SYCP2: variants seen among roughly 807,000 people sequenced by gnomAD.
The protein encoded by SYCP2 is synaptonemal complex protein 2.
In SYCP2, 55 loss-of-function variants were observed where a neutral mutation model predicts 211.3. The ratio of observed to expected loss-of-function variants is 0.26; its 90% confidence interval spans 0.21 to 0.33. The LOEUF (loss-of-function observed/expected upper bound fraction) is 0.33, where lower values mean the gene tolerates loss of function less well. Ranked by LOEUF, SYCP2 falls within the 10% of genes least tolerant of loss-of-function variation. The pLI is 1.00. For missense variants in SYCP2, 1,731 were observed against 1,752.0 expected (o/e 0.99, Z 0.21); for synonymous variants, 570 against 555.2 (o/e 1.03, Z -0.37).
intron 22 of SYCP2, 125 bp from the exon 23 acceptor site, chr20:59,892,826 T>TCA: frequency 1.2e-6 from 1 of 840,966 alleles, no homozygotes; most frequent in Non-Finnish European, 1.7e-6. Context: ...TGGAAATTTA[T>TCA]CTTATCTTAC....
At chr20:59,932,617 T>A (rs549327100) in intron 1 of SYCP2, among the ~76,000 whole-genome samples, 16 of 151,914 alleles carry the variant, frequency 1.1e-4, no homozygotes, top group African/African-American at 3.6e-4. Context: ...GAGGTTGCAG[T>A]GACGCGAGAT....
chr20:59,884,919 A>G (rs1255776884), intron 26 of SYCP2, among the ~76,000 whole-genome samples: 1 of 152,094 alleles, frequency 6.6e-6, no homozygotes, highest in African/African-American at 2.4e-5. Flanking sequence ...AAAACACTCT[A>G]TTGTACAGAT....
At chr20:59,896,634 T>C (rs1213619078) in intron 18 of SYCP2, 106 bp from the exon 19 acceptor site, 2 of 591,606 alleles carry the variant, frequency 3.4e-6, no homozygotes, top group Admixed American at 3.0e-5. Flanking sequence ...CAAAGATATA[T>C]GTTTTTTAAA....
intron 14 of SYCP2, 53 bp downstream of exon 14, chr20:59,911,697 A>C (rs183190169): frequency 1.5e-4 from 116 of 776,242 alleles, no homozygotes; most frequent in African/African-American, 9.2e-4. Flanking sequence ...AAGTAAGTAA[A>C]AATCTTATAT....
intron 1 of SYCP2, among the ~76,000 whole-genome samples, chr20:59,932,978 G>C (rs2060795691): frequency 6.6e-6 from 1 of 151,928 alleles, no homozygotes; most frequent in African/African-American, 2.4e-5. Flanking sequence ...CGAAGTCCCT[G>C]CTCCCACCGC....
chr20:59,917,790 G>T lies in SYCP2; in HGVS notation c.428-1219C>A, dbSNP rs115594409. ...ATTGCTTGGCACAAGCAGGCCACAA[G>T]TCAAAGAATGAGTAGGAACATATTC... is the stretch of plus-strand genomic sequence containing the variant. On this transcript the variant is annotated intron_variant, in intron 7 of 44. Coordinates refer to ENST00000357552, the MANE Select transcript of SYCP2 (RefSeq NM_014258.4). 4.1e-3 allele frequency among the ~76,000 whole-genome samples: 623 copies of T among 152,264 alleles called. 4 individuals carry two copies. The highest frequency in any genetic ancestry group is 0.015 in the African/African-American group (604 of 41,564).
intron 2 of SYCP2, among the ~76,000 whole-genome samples, chr20:59,929,049 G>A (rs1251930873): frequency 6.6e-6 from 1 of 151,832 alleles, no homozygotes; most frequent in African/African-American, 2.4e-5. Context: ...TTATTATGAA[G>A]AACTTAACAA....
chr20:59,864,532 G>T, intron 44 of SYCP2, 144 bp from the exon 45 acceptor site: 2 of 592,366 alleles, frequency 3.4e-6, no homozygotes, highest in Non-Finnish European at 6.0e-6. Flanking sequence ...CATTCTAACA[G>T]GTCTACAGAT....
intron 2 of SYCP2, among the ~76,000 whole-genome samples, chr20:59,926,110 T>G (rs1000362118): frequency 1.1e-4 from 17 of 152,084 alleles, no homozygotes; most frequent in Admixed American, 6.6e-5. Flanking sequence ...AGGAGGAACC[T>G]TCTCCTGTAA....
rs563115123 is a variant in SYCP2 at position 59,865,831 on chromosome 20, G to A, written c.4355C>T (p.Ala1452Val). ...FWEKIFQKFS[A>V]YQKSEQQRLH... Reference sequence around the variant, plus strand: ...CCTCTGTTGTTCGCTTTTTTGATATGCACTGAACTTCTGAAATATCTTTTC... The same window carrying A: ...CCTCTGTTGTTCGCTTTTTTGATATACACTGAACTTCTGAAATATCTTTTC... Residue 1452 changes from alanine (A) to valine (V), a missense_variant, in exon 42 of 45, where the codon GCA (alanine) becomes GTA (valine). Transcript: ENST00000357552. The A allele has an allele frequency of 5.6e-6, 8 of 1,439,972 alleles. No individual in the cohort carries two copies. In the African/African-American group the frequency reaches 1.0e-4, roughly 18 times the overall value. 89.2% of individuals were successfully genotyped at this position (1,439,972 alleles called of 1,614,324 possible). A position where few individuals can be genotyped will look rare whatever the true frequency, so the allele number is the denominator to read the frequency against.
intron 16 of SYCP2, 30 bp from the exon 17 acceptor site, chr20:59,900,848 A>G: frequency 7.3e-7 from 1 of 1,361,304 alleles, no homozygotes; most frequent in South Asian, 1.2e-5. Flanking sequence ...CAGTGATGAC[A>G]TTTTCTTCAT....
chr20:59,906,066 G>A (rs1489181637), intron 15 of SYCP2, among the ~76,000 whole-genome samples: 2 of 152,098 alleles, frequency 1.3e-5, no homozygotes, highest in East Asian at 3.8e-4. Context: ...AAACGCTGTT[G>A]AGAGAAATCA....
At chr20:59,911,889 G>A (rs1262128758) in intron 13 of SYCP2, 44 bp from the exon 14 acceptor site, 1 of 987,472 alleles carries the variant, frequency 1.0e-6, no homozygotes, top group East Asian at 2.7e-5. Flanking sequence ...AATGATTTTA[G>A]AAATAACAGA....
chr20:59,906,642 A>T (rs915542681), intron 15 of SYCP2, among the ~76,000 whole-genome samples: 2 of 152,148 alleles, frequency 1.3e-5, no homozygotes, highest in Non-Finnish European at 2.9e-5. Context: ...GTCGACAAAA[A>T]TTTTTTGGGT....
Position 59,867,841 on chromosome 20 carries a change from T to C in SYCP2, c.3995A>G (p.Glu1332Gly), listed in dbSNP as rs2059381065. ...ATTTGTTGATAATGAAGATACACTT[T>C]CAGACACTAAAAAATGAAAACAATC... ...DADHHIHKMSESVSSLSTNDF... is the reference protein window; with the variant it reads ...DADHHIHKMSGSVSSLSTNDF... The change falls in exon 39 of 45, where the codon GAA (glutamate) becomes GGA (glycine). Residue 1332 changes from glutamate to glycine, a missense_variant. Around this residue, in one of 3 missense-constraint regions of SYCP2, gnomAD observed 1,387 missense variants for 1,351.3 expected, o/e 1.03. Transcript: ENST00000357552. 1.2e-6 allele frequency: 2 copies of C among 1,600,152 alleles called. No individual in the cohort carries two copies. Among genetic ancestry groups the C allele is most frequent in the Admixed American group, 1.7e-5 (1 of 57,634 alleles).
chr20:59,874,095 G>C (rs781564754), intron 34 of SYCP2, 34 bp from the exon 35 acceptor site: 5 of 1,221,242 alleles, frequency 4.1e-6, no homozygotes, highest in Admixed American at 5.2e-5. Context: ...GAAAATAGAT[G>C]GCAAGCGTTA....
At chr20:59,914,345 A>G in intron 10 of SYCP2, 94 bp from the exon 11 acceptor site, 1 of 618,348 alleles carries the variant, frequency 1.6e-6, no homozygotes, top group Non-Finnish European at 2.6e-6. Context: ...TAAGCAAGAG[A>G]AATAAGAATA....
At chr20:59,868,361 A>G in intron 38 of SYCP2, 52 bp downstream of exon 38, 1 of 1,564,816 alleles carries the variant, frequency 6.4e-7, no homozygotes, top group South Asian at 1.2e-5. Flanking sequence ...TCAAAATATA[A>G]GAACCACCCT....
chr20:59,929,908 T>A (rs2060703396), intron 2 of SYCP2, among the ~76,000 whole-genome samples: 1 of 152,024 alleles, frequency 6.6e-6, no homozygotes, highest in African/African-American at 2.4e-5. Context: ...AGACTGAGAA[T>A]ACAATTGATT....
Sources: allele counts gnomAD v4.1 joint callset (sites outside exome capture counted in the v4.1 genomes callset), GRCh38; gene constraint gnomAD v4.1.1; regional missense constraint gnomAD v4.1.1; transcripts MANE v1.5; gene names NCBI Gene and HGNC (gene_info 2026-07-23, HGNC 2026-07-21).